The following EPM2AIP1 variants were observed in gnomAD, a reference collection of about 807,000 sequenced individuals.
EPM2AIP1 encodes EPM2A-interacting protein 1.
A neutral mutation model predicts 44.8 loss-of-function variants in EPM2AIP1; 23 were observed. That is an observed-to-expected ratio of 0.51 (90% CI 0.37 to 0.73). The LOEUF is 0.73. EPM2AIP1 is among the 30% of genes least tolerant of loss of function. The pLI, the probability that EPM2AIP1 is intolerant of heterozygous loss-of-function variation, is 0.00. For synonymous variants in EPM2AIP1, 311 were observed against 284.3 expected (o/e 1.09, Z -0.94); for missense variants, 652 against 743.9 (o/e 0.88, Z 1.44).
In EPM2AIP1 at chr3:36,992,992, A is replaced by C; in HGVS notation, c.86T>G (p.Val29Gly). The C allele has an allele frequency of 6.2e-7, 1 of 1,613,086 alleles. No homozygotes were observed. Among genetic ancestry groups the C allele is most frequent in the African/African-American group, 1.3e-5 (1 of 75,044 alleles). ...GGCCCCATCGCCCTCCGGAGGCTCC[A>C]CCACCAAATAACGCTGGGTCCACTC... The part of the protein sequence containing the change: ...RPEWTQRYLV[V>G]EPPEGDGALC... The change falls in exon 1 of 1, where the codon GTG becomes GGG. Residue 29 changes from valine to glycine, a missense_variant. Coordinates refer to ENST00000322716, the MANE Select transcript of EPM2AIP1 (RefSeq NM_014805.4). The surrounding 1 kb of genome is among the most constrained non-coding windows in gnomAD (Gnocchi z 5.3).
In EPM2AIP1 at chr3:36,992,090, C is replaced by G. The variant is rs763078547; in HGVS notation, c.988G>C (p.Gly330Arg). 1 of 1,614,014 alleles carries G rather than the reference C, an allele frequency of 6.2e-7. No individual in the cohort carries two copies. The highest frequency in any genetic ancestry group is 2.2e-5 in the East Asian group (1 of 44,888). ...AGACATCGTCCATTAACCCTTTCAC[C>G]ATGCTCTGATTCAGATTCCGTTAGT... is the stretch of plus-strand genomic sequence containing the variant. ...TLLTESESEH[G>R]ERVNGRCLNN... The change falls in exon 1 of 1, where the codon GGT becomes CGT. Residue 330 changes from glycine (G) to arginine (R), a missense_variant. Gly to Arg is a moderately radical substitution (Grantham distance 125). Transcript: ENST00000322716. This position sits in a 1 kb window ranked among gnomAD's most constrained non-coding sequence, Gnocchi z 5.3.
Position 36,987,088 on chromosome 3 carries a change from G to C in EPM2AIP1, c.*4166C>G, listed in dbSNP as rs556738909. On this transcript the variant is annotated 3_prime_UTR_variant, in exon 1 of 1. Coordinates refer to ENST00000322716, the MANE Select transcript of EPM2AIP1 (RefSeq NM_014805.4). ...TATACATTAACTAGATGTCACTTTT[G>C]GGTCATCTCCCTTTGGGTGATAAGG... 6.6e-6 allele frequency: 1 copy of C among 152,624 alleles called. No homozygotes were observed. Among genetic ancestry groups the C allele is most frequent in the South Asian group, 2.1e-4 (1 of 4,818 alleles). 9.5% of individuals were successfully genotyped at this position (152,624 alleles called of 1,614,324 possible). A position where few individuals can be genotyped will look rare whatever the true frequency, so the allele number is the denominator to read the frequency against.
Position 36,988,335 on chromosome 3 carries a change from A to T in EPM2AIP1, c.*2919T>A, listed in dbSNP as rs920527600. ...GAGAATTGGTAAAAAGGACAAATGA[A>T]TGGTTGGTAGTGGTAATGCCATTTA... On this transcript the variant is annotated 3_prime_UTR_variant, in exon 1 of 1. Coordinates refer to ENST00000322716, the MANE Select transcript of EPM2AIP1 (RefSeq NM_014805.4). The T allele has an allele frequency of 3.9e-5, 6 of 152,222 alleles. No homozygotes were observed. Among genetic ancestry groups the T allele is most frequent in the African/African-American group, 1.4e-4 (6 of 41,458 alleles). 9.4% of individuals were successfully genotyped at this position (152,222 alleles called of 1,614,324 possible). A position where few individuals can be genotyped will look rare whatever the true frequency, so the allele number is the denominator to read the frequency against.
At position 36,992,571 on chromosome 3, in the gene EPM2AIP1, G is replaced by A. The variant is rs758580912; in HGVS notation, c.507C>T (p.Ala169=). The change falls in exon 1 of 1, where the codon GCC becomes GCT. Residue 169 remains alanine, a synonymous_variant. Transcript: ENST00000322716. The surrounding 1 kb of genome is among the most constrained non-coding windows in gnomAD (Gnocchi z 5.3). ...RNLRNQLFNR[A]RDFKAYSLAL... is the part of the protein sequence containing the mutation. Reference sequence around the variant, plus strand: ...CAAGAGAATAGGCTTTAAAGTCCCTGGCTCGGTTAAAAAGCTGGTTGCGTA... The same window carrying A: ...CAAGAGAATAGGCTTTAAAGTCCCTAGCTCGGTTAAAAAGCTGGTTGCGTA... The A allele has an allele frequency of 6.8e-6, 11 of 1,613,894 alleles. No individual in the cohort carries two copies. The African/African-American group carries it at 1.2e-4, about 18-fold the overall frequency.
Position 36,986,415 on chromosome 3 carries a change from G to T in EPM2AIP1, c.*4839C>A, listed in dbSNP as rs2080769462. On this transcript the variant is annotated 3_prime_UTR_variant, in exon 1 of 1. Coordinates refer to ENST00000322716, the MANE Select transcript of EPM2AIP1 (RefSeq NM_014805.4). ...TGAGGCAACATTTTAATATCAAAAAGAAAGATAAAAATGGGAAATCCTTTT... is the reference window on the plus strand; with the variant it reads ...TGAGGCAACATTTTAATATCAAAAATAAAGATAAAAATGGGAAATCCTTTT... 6.6e-6 allele frequency: 1 copy of T among 152,096 alleles called. No homozygotes were observed. Among genetic ancestry groups the T allele is most frequent in the Admixed American group, 6.6e-5 (1 of 15,264 alleles). 9.4% of individuals were successfully genotyped at this position (152,096 alleles called of 1,614,324 possible).
rs757940682 is a variant in EPM2AIP1 at position 36,992,291 on chromosome 3, T to C, written c.787A>G (p.Met263Val). ...TTGGGGCTTACGGCCTTTTCTCTCA[T>C]GTATGAGACGAGTCCTGAGTTCTCA... ...IGENSGLVSY[M>V]REKAVSPNCW... Residue 263 changes from methionine to valine, a missense_variant, in exon 1 of 1, where the codon ATG becomes GTG. Coordinates refer to ENST00000322716, the MANE Select transcript of EPM2AIP1 (RefSeq NM_014805.4). This position sits in a 1 kb window ranked among gnomAD's most constrained non-coding sequence, Gnocchi z 5.3. 2.5e-6 allele frequency: 4 copies of C among 1,613,890 alleles called. No individual in the cohort carries two copies. Among genetic ancestry groups the C allele is most frequent in the East Asian group, 2.2e-5 (1 of 44,888 alleles).
chr3:36,987,640 C>A lies in EPM2AIP1; in HGVS notation c.*3614G>T, dbSNP rs1391730054. ...TCTCCTTTCATACAACAGAGAAAAC[C>A]ACAATTTGTTTAACAGTCACATAAT... On this transcript the variant is annotated 3_prime_UTR_variant, in exon 1 of 1. Coordinates refer to ENST00000322716, the MANE Select transcript of EPM2AIP1 (RefSeq NM_014805.4). 1.3e-5 allele frequency: 2 copies of A among 152,014 alleles called. No individual in the cohort carries two copies. Among genetic ancestry groups the A allele is most frequent in the Non-Finnish European group, 2.9e-5 (2 of 67,986 alleles). 9.4% of individuals were successfully genotyped at this position (152,014 alleles called of 1,614,324 possible). A position where few individuals can be genotyped will look rare whatever the true frequency, so the allele number is the denominator to read the frequency against.
chr3:36,992,549 G>A lies in EPM2AIP1; in HGVS notation c.529C>T (p.Leu177Phe), dbSNP rs902730127. 1 of 1,613,958 alleles carries A rather than the reference G, an allele frequency of 6.2e-7. No individual in the cohort carries two copies. Among genetic ancestry groups the A allele is most frequent in the Non-Finnish European group, 8.5e-7 (1 of 1,179,920 alleles). ...ACAAAAGCCTGGTCGTCCAAGGCAA[G>A]AGAATAGGCTTTAAAGTCCCTGGCT... The part of the protein sequence containing the change: ...NRARDFKAYS[L>F]ALDDQAFVAY... Residue 177 changes from leucine (L) to phenylalanine (F), a missense_variant, in exon 1 of 1, where the codon CTT (leucine) becomes TTT (phenylalanine). Physicochemically the swap from Leu to Phe is conservative, Grantham distance 22. Coordinates refer to ENST00000322716, the MANE Select transcript of EPM2AIP1 (RefSeq NM_014805.4). The surrounding 1 kb of genome is among the most constrained non-coding windows in gnomAD (Gnocchi z 5.3).
Position 36,988,981 on chromosome 3 carries a change from CTTTTTCT to C in EPM2AIP1, c.*2266_*2272del, listed in dbSNP as rs1327472964. ...AGAAAACAGTAAAATACACTTTTTT[CTTTTTCT>C]TTTTTTTTTTTTTTTTTTACAAACA... is the stretch of plus-strand genomic sequence containing the variant. On this transcript the variant is annotated 3_prime_UTR_variant, in exon 1 of 1. Coordinates refer to ENST00000322716, the MANE Select transcript of EPM2AIP1 (RefSeq NM_014805.4). 69 of 122,026 alleles carry C rather than the reference CTTTTTCT, an allele frequency of 5.7e-4. No individual in the cohort carries two copies. The highest frequency in any genetic ancestry group is 2.4e-3 in the African/African-American group (67 of 28,436). The allele number at this position is 122,026 out of a possible 1,614,324, so 7.6% of individuals were successfully genotyped here. A position where few individuals can be genotyped will look rare whatever the true frequency, so the allele number is the denominator to read the frequency against.
rs1253828354 is a variant in EPM2AIP1 at position 36,992,759 on chromosome 3, G to A, written c.319C>T (p.Leu107Phe). The change falls in exon 1 of 1, where the codon CTC (leucine) becomes TTC (phenylalanine). Residue 107 changes from leucine to phenylalanine, a missense_variant. Physicochemically the swap from Leu to Phe is conservative, Grantham distance 22. Coordinates refer to ENST00000322716, the MANE Select transcript of EPM2AIP1 (RefSeq NM_014805.4). The surrounding 1 kb of genome is among the most constrained non-coding windows in gnomAD (Gnocchi z 5.3). Reference protein sequence around the residue: ...AARAGLGLCRLLALKGRGWGE... With the variant: ...AARAGLGLCRFLALKGRGWGE... ...CAGCCGCGACCCTTCAAGGCCAAGA[G>A]GCGGCAGAGCCCGAGGCCTGCACGA... 4 of 1,613,836 alleles carry A rather than the reference G, an allele frequency of 2.5e-6. No individual in the cohort carries two copies. Among genetic ancestry groups the A allele is most frequent in the Admixed American group, 1.7e-5 (1 of 60,030 alleles).
rs1464752938 is a variant in EPM2AIP1, at chr3:36,991,155, C to T, written c.*99G>A. ...CAGTTTGGACGGCTGGTACTTGGTA[C>T]TTTCTCACAATCCAAATTAGTAAAC... On this transcript the variant is annotated 3_prime_UTR_variant, in exon 1 of 1. Coordinates refer to ENST00000322716, the MANE Select transcript of EPM2AIP1 (RefSeq NM_014805.4). The T allele has an allele frequency of 1.1e-5, 16 of 1,473,990 alleles. No individual in the cohort carries two copies. The highest frequency in any genetic ancestry group is 1.4e-5 in the Non-Finnish European group (15 of 1,110,790). The allele number at this position is 1,473,990 out of a possible 1,614,324, so 91.3% of individuals were successfully genotyped here. A position where few individuals can be genotyped will look rare whatever the true frequency, so the allele number is the denominator to read the frequency against.
chr3:36,992,825 C>T lies in EPM2AIP1; in HGVS notation c.253G>A (p.Asp85Asn), dbSNP rs374758657. Reference protein sequence around the residue: ...AALVERLRQGDLPVASFTPEE... With the variant: ...AALVERLRQGNLPVASFTPEE... ...GGAGTGAAGGAGGCCACGGGCAAGT[C>T]GCCCTGACGCAGACGCTCCACCAGG... Residue 85 changes from aspartate (D) to asparagine (N), a missense_variant, in exon 1 of 1, where the codon GAC becomes AAC. Asp to Asn is a conservative substitution (Grantham distance 23). Coordinates refer to ENST00000322716, the MANE Select transcript of EPM2AIP1 (RefSeq NM_014805.4). This position sits in a 1 kb window ranked among gnomAD's most constrained non-coding sequence, Gnocchi z 5.3. 3 of 1,611,976 alleles carry T rather than the reference C, an allele frequency of 1.9e-6. No individual in the cohort carries two copies. The highest frequency in any genetic ancestry group is 2.5e-6 in the Non-Finnish European group (3 of 1,179,738).
Position 36,992,436 on chromosome 3 carries a change from C to T in EPM2AIP1, c.642G>A (p.Leu214=). The change falls in exon 1 of 1, where the codon CTG becomes CTA. Residue 214 remains leucine, a synonymous_variant. Coordinates refer to ENST00000322716, the MANE Select transcript of EPM2AIP1 (RefSeq NM_014805.4). The surrounding 1 kb of genome is among the most constrained non-coding windows in gnomAD (Gnocchi z 5.3). ...GCGCACCAACACTGAAATGATGAGT[C>T]AGGTTGATTATGGTCAGAAGATCTT... ...VQEDLLTIIN[L]THHFSVGALM... 1 of 1,613,956 alleles carries T rather than the reference C, an allele frequency of 6.2e-7. No individual in the cohort carries two copies. Among genetic ancestry groups the T allele is most frequent in the Non-Finnish European group, 8.5e-7 (1 of 1,179,900 alleles).
Position 36,992,092 on chromosome 3 carries a change from T to C in EPM2AIP1, c.986A>G (p.His329Arg), listed in dbSNP as rs752602885. ...ACATCGTCCATTAACCCTTTCACCA[T>C]GCTCTGATTCAGATTCCGTTAGTAA... ...QTLLTESESEHGERVNGRCLN... is the reference protein window; with the variant it reads ...QTLLTESESERGERVNGRCLN... Residue 329 changes from histidine (H) to arginine (R), a missense_variant, in exon 1 of 1, where the codon CAT (histidine) becomes CGT (arginine). Coordinates refer to ENST00000322716, the MANE Select transcript of EPM2AIP1 (RefSeq NM_014805.4). This position sits in a 1 kb window ranked among gnomAD's most constrained non-coding sequence, Gnocchi z 5.3. 6 of 1,613,954 alleles carry C rather than the reference T, an allele frequency of 3.7e-6. No individual in the cohort carries two copies. The highest frequency in any genetic ancestry group is 5.1e-6 in the Non-Finnish European group (6 of 1,179,912).
In EPM2AIP1 at chr3:36,991,002, A is replaced by C; in HGVS notation, c.*252T>G. 1 of 1,164,460 alleles carries C rather than the reference A, an allele frequency of 8.6e-7. No homozygotes were observed. The allele number at this position is 1,164,460 out of a possible 1,614,324, so 72.1% of individuals were successfully genotyped here. On this transcript the variant is annotated 3_prime_UTR_variant, in exon 1 of 1. Transcript: ENST00000322716. The stretch of plus-strand genomic sequence containing the variant: ...TTAATACTAAATCTCTTTAAAATTA[A>C]CTATATCATAAAAGACAATGACTTT...
chr3:36,992,080 A>G lies in EPM2AIP1; in HGVS notation c.998T>C (p.Val333Ala). 1 of 1,613,914 alleles carries G rather than the reference A, an allele frequency of 6.2e-7. No homozygotes were observed. Among genetic ancestry groups the G allele is most frequent in the Non-Finnish European group, 8.5e-7 (1 of 1,179,880 alleles). ...CCAATTGTTCAGACATCGTCCATTA[A>G]CCCTTTCACCATGCTCTGATTCAGA... Reference protein sequence around the residue: ...TESESEHGERVNGRCLNNWLR... With the variant: ...TESESEHGERANGRCLNNWLR... The change falls in exon 1 of 1, where the codon GTT becomes GCT. Residue 333 changes from valine to alanine, a missense_variant. Val to Ala is a moderately conservative substitution (Grantham distance 64, BLOSUM62 0). Transcript: ENST00000322716. This position sits in a 1 kb window ranked among gnomAD's most constrained non-coding sequence, Gnocchi z 5.3.
rs1287547429 is a variant in EPM2AIP1 at position 36,990,270 on chromosome 3, T to C, written c.*984A>G. On this transcript the variant is annotated 3_prime_UTR_variant, in exon 1 of 1. Coordinates refer to ENST00000322716, the MANE Select transcript of EPM2AIP1 (RefSeq NM_014805.4). ...TCCATTTCTAGCATCTAACAAAATC[T>C]GATACTGTATCATTTTAAAACAAAG... 1 of 274,572 alleles carries C rather than the reference T, an allele frequency of 3.6e-6. No individual in the cohort carries two copies. The highest frequency in any genetic ancestry group is 1.4e-4 in the South Asian group (1 of 7,294). 17.0% of individuals were successfully genotyped at this position (274,572 alleles called of 1,614,324 possible). A position where few individuals can be genotyped will look rare whatever the true frequency, so the allele number is the denominator to read the frequency against.
In EPM2AIP1 at chr3:36,990,679, G is replaced by GGAGGGAA. The variant is rs1687247047; in HGVS notation, c.*568_*574dup. The GGAGGGAA allele has an allele frequency of 1.0e-6, 1 of 985,546 alleles. No individual in the cohort carries two copies. Among genetic ancestry groups the GGAGGGAA allele is most frequent in the Non-Finnish European group, 1.2e-6 (1 of 829,798 alleles). The allele number at this position is 985,546 out of a possible 1,614,324, so 61.1% of individuals were successfully genotyped here. On this transcript the variant is annotated 3_prime_UTR_variant, in exon 1 of 1. Transcript: ENST00000322716. ...GTGTTATCACTGAGGTGGGTGATGGGGAGGGAAGAGGGAAGAAATCTGTCA... is the reference window on the plus strand; with the variant it reads ...GTGTTATCACTGAGGTGGGTGATGGGGAGGGAAGAGGGAAGAGGGAAGAAATCTGTCA...
In EPM2AIP1 at chr3:36,989,369, A is replaced by G. The variant is rs2080789978; in HGVS notation, c.*1885T>C. On this transcript the variant is annotated 3_prime_UTR_variant, in exon 1 of 1. Coordinates refer to ENST00000322716, the MANE Select transcript of EPM2AIP1 (RefSeq NM_014805.4). ...TATTAACCAAAATCTCAGCTTGACC[A>G]TTCTTGATAAGTACCTAATCGACAT... The G allele has an allele frequency of 6.6e-6, 1 of 151,864 alleles. No homozygotes were observed. Among genetic ancestry groups the G allele is most frequent in the African/African-American group, 2.4e-5 (1 of 41,342 alleles). 9.4% of individuals were successfully genotyped at this position (151,864 alleles called of 1,614,324 possible).
Sources: allele counts gnomAD v4.1 joint callset, GRCh38; gene constraint gnomAD v4.1.1; non-coding constraint Gnocchi (gnomAD v3.1); transcripts MANE v1.5; gene names NCBI Gene and HGNC (gene_info 2026-07-23, HGNC 2026-07-21).